Variants in WWC1 observed in about 807,000 individuals in gnomAD.
WWC1 encodes WW and C2 domain containing 1.
WWC1 carries 55 observed loss-of-function variants against 138.4 expected under a neutral mutation model. The ratio of observed to expected loss-of-function variants is 0.40; its 90% confidence interval spans 0.32 to 0.50. The LOEUF is 0.50. WWC1 is among the 20% of genes least tolerant of loss of function. WWC1 has a pLI of 0.72. For synonymous variants in WWC1, 524 were observed against 564.9 expected (o/e 0.93, Z 1.03); for missense variants, 1,226 against 1,420.4 (o/e 0.86, Z 2.20).
intron 4 of WWC1, among the ~76,000 whole-genome samples, chr5:168,398,845 A>T (rs930173090): frequency 4.6e-5 from 7 of 152,226 alleles, no homozygotes; most frequent in African/African-American, 1.4e-4. Context: ...CCATGCTGGA[A>T]TGTGGGCCCA....
At chr5:168,455,808 G>A (rs1756262421) in intron 19 of WWC1, among the ~76,000 whole-genome samples, 1 of 152,114 alleles carries the variant, frequency 6.6e-6, no homozygotes, top group African/African-American at 2.4e-5. Flanking sequence ...ACCACTTGCT[G>A]AGATCAGAGG....
intron 3 of WWC1, among the ~76,000 whole-genome samples, chr5:168,389,983 A>G (rs553877600): frequency 6.6e-6 from 1 of 152,330 alleles, no homozygotes; most frequent in South Asian, 2.1e-4. Flanking sequence ...CTGTTTCCTT[A>G]GAACATATTA....
At chr5:168,424,802 G>C (rs1385755764) in intron 11 of WWC1, among the ~76,000 whole-genome samples, 4 of 152,260 alleles carry the variant, frequency 2.6e-5, no homozygotes, top group Admixed American at 2.6e-4. Context: ...ATTGCACTGG[G>C]GACCCATGTG....
At chr5:168,446,262 G>T (rs921030680) in intron 17 of WWC1, among the ~76,000 whole-genome samples, 3 of 89,232 alleles carry the variant, frequency 3.4e-5, no homozygotes, top group African/African-American at 1.3e-4. Context: ...AAAAAAAAAA[G>T]GTTAGCAAGT....
chr5:168,443,497 A>T (rs1221689434), intron 16 of WWC1, among the ~76,000 whole-genome samples: 1 of 152,108 alleles, frequency 6.6e-6, no homozygotes, highest in Non-Finnish European at 1.5e-5. Context: ...CCAAAAGGAG[A>T]CTGTGAGCTG....
chr5:168,463,652 A>G (rs1757006781), intron 20 of WWC1, among the ~76,000 whole-genome samples: 1 of 152,218 alleles, frequency 6.6e-6, no homozygotes, highest in African/African-American at 2.4e-5. Flanking sequence ...AGAGTTAATG[A>G]TTGTATTAAT....
intron 9 of WWC1, chr5:168,415,746 C>T (rs1780552568): frequency 7.6e-6 from 1 of 131,240 alleles, no homozygotes; most frequent in African/African-American, 3.0e-5. Context: ...AGCAAGGTCC[C>T]TGCCCGTAAG....
chr5:168,372,079 G>GTT (rs2152808047), intron 2 of WWC1, among the ~76,000 whole-genome samples: 1 of 151,716 alleles, frequency 6.6e-6, no homozygotes, highest in Non-Finnish European at 1.5e-5. Flanking sequence ...GTGTGTGTGT[G>GTT]TGTGTGTGTG....
intron 1 of WWC1, among the ~76,000 whole-genome samples, chr5:168,329,822 G>A (rs1208303572): frequency 6.6e-6 from 1 of 152,148 alleles, no homozygotes; most frequent in East Asian, 1.9e-4. Context: ...AAAAGCTGTG[G>A]CTTTTGGCTG....
chr5:168,465,548 CTTTTTTTTTTTTTTT>C (rs10527141), intron 21 of WWC1, among the ~76,000 whole-genome samples: 6 of 46,950 alleles, frequency 1.3e-4, no homozygotes, highest in Admixed American at 3.4e-4. Flanking sequence ...ATCAGCTGGG[CTTTTTTTTTTTTTTT>C]TTTTTTTTTT....
chr5:168,460,584 G>A lies in WWC1; in HGVS notation c.2824-66G>A. ...AGTGGAGGAACCTGACCTCCCTCTA[G>A]GCTTCAGTGCACCTTCCAGAATGCA... On this transcript the variant is annotated intron_variant, in intron 19 of 22. Coordinates refer to ENST00000265293, the MANE Select transcript of WWC1 (RefSeq NM_015238.3). The A allele has an allele frequency of 2.0e-6, 3 of 1,532,892 alleles. No homozygotes were observed. The South Asian group carries it at 3.4e-5, about 17-fold the overall frequency. The allele number at this position is 1,532,892 out of a possible 1,614,324, so 95.0% of individuals were successfully genotyped here.
chr5:168,305,377 A>T (rs890502438), intron 1 of WWC1, among the ~76,000 whole-genome samples: 6 of 152,066 alleles, frequency 3.9e-5, no homozygotes, highest in African/African-American at 1.5e-4. Flanking sequence ...TGGCATTAAG[A>T]TTCAGCTTAC....
chr5:168,339,075 T>G (rs1561628851), intron 1 of WWC1, among the ~76,000 whole-genome samples: 1 of 152,236 alleles, frequency 6.6e-6, no homozygotes. Context: ...TCACTGTGTA[T>G]TCTAAAAATA....
At chr5:168,447,497 G>A (rs1287627739) in intron 17 of WWC1, among the ~76,000 whole-genome samples, 3 of 152,038 alleles carry the variant, frequency 2.0e-5, no homozygotes, top group South Asian at 2.1e-4. Context: ...ACTGAAATTT[G>A]CATTTTATAT....
chr5:168,330,472 T>C (rs921465951), intron 1 of WWC1, among the ~76,000 whole-genome samples: 1 of 152,244 alleles, frequency 6.6e-6, no homozygotes, highest in African/African-American at 2.4e-5. Context: ...AGAATTATGA[T>C]GATTAATTGG....
intron 1 of WWC1, among the ~76,000 whole-genome samples, chr5:168,328,406 AGG>A (rs980239713): frequency 7.9e-5 from 12 of 152,122 alleles, no homozygotes; most frequent in Non-Finnish European, 1.6e-4. Flanking sequence ...CTTGACCAAT[AGG>A]GGTATATAGT....
rs1471644093 is a variant in WWC1 at position 168,339,837 on chromosome 5, TTTTC to T, written c.120-31573_120-31570del. Among the ~76,000 whole-genome samples, 888 of 119,138 alleles carry T rather than the reference TTTTC, an allele frequency of 7.5e-3. 7 individuals are homozygous for T. Among genetic ancestry groups the T allele is most frequent in the African/African-American group, 0.037 (781 of 20,988 alleles). The allele number at this position is 119,138 out of a possible 152,430, so 78.2% of individuals were successfully genotyped here. A position where few individuals can be genotyped will look rare whatever the true frequency, so the allele number is the denominator to read the frequency against. On this transcript the variant is annotated intron_variant, in intron 1 of 22. Transcript: ENST00000265293. Reference sequence around the variant, plus strand: ...TTCTTTCTTTCTTTCTTTCTTTTTCTTTTCTTTCTTTCTTTCTCTCTTTCTCTCT... The same window carrying T: ...TTCTTTCTTTCTTTCTTTCTTTTTCTTTTCTTTCTTTCTCTCTTTCTCTCT...
intron 15 of WWC1, among the ~76,000 whole-genome samples, chr5:168,435,983 T>C (rs1227212464): frequency 6.6e-6 from 1 of 151,948 alleles, no homozygotes; most frequent in Non-Finnish European, 1.5e-5. Flanking sequence ...GCTGGGACTA[T>C]AGGCACGCGC....
chr5:168,462,520 C>T (rs1371185149), intron 20 of WWC1, among the ~76,000 whole-genome samples: 1 of 152,190 alleles, frequency 6.6e-6, no homozygotes. Context: ...TAACAAAGCT[C>T]CTTAGGGGCT....
Sources: gnomAD v4.1 joint callset for allele counts (sites outside exome capture counted in the v4.1 genomes callset) on GRCh38, gnomAD v4.1.1 for gene constraint, MANE v1.5 for transcripts, NCBI Gene and HGNC (gene_info 2026-07-23, HGNC 2026-07-21) for gene names.